Variants in LRRC37A2 observed in about 807,000 individuals in gnomAD.
LRRC37A2 encodes leucine-rich repeat-containing protein 37A2.
LRRC37A2 carries 9 observed loss-of-function variants against 68.8 expected under a neutral mutation model. The ratio of observed to expected loss-of-function variants is 0.13; its 90% confidence interval spans 0.08 to 0.23. The LOEUF is 0.23. LRRC37A2 is among the 10% of genes least tolerant of loss of function. The pLI is 1.00. For synonymous variants in LRRC37A2, 63 were observed against 367.6 expected (o/e 0.17, Z 9.48); for missense variants, 168 against 950.4 (o/e 0.18, Z 10.82).
the LRRC37A2 span, among the ~76,000 whole-genome samples, chr17:46,874,371 C>T: frequency 6.6e-6 from 1 of 152,116 alleles, no homozygotes; most frequent in African/African-American, 2.4e-5. Context: ...GAAATGGGCC[C>T]ATCCAAATGG....
the LRRC37A2 span, among the ~76,000 whole-genome samples, chr17:46,747,892 A>G: frequency 6.6e-6 from 1 of 152,210 alleles, no homozygotes; most frequent in Non-Finnish European, 1.5e-5. Context: ...TTTCCAGTTT[A>G]GAAAGAAGGA....
At chr17:46,722,406 T>G in the LRRC37A2 span, among the ~76,000 whole-genome samples, 2 of 152,352 alleles carry the variant, frequency 1.3e-5, no homozygotes, top group African/African-American at 4.8e-5. Flanking sequence ...GTTTGGCACT[T>G]CAGTTGTACT....
chr17:46,757,425 C>T, the LRRC37A2 span: 2 of 152,534 alleles, frequency 1.3e-5, no homozygotes, highest in African/African-American at 2.4e-5. Flanking sequence ...TTGTTTAATG[C>T]AAATGAAGGA....
chr17:47,002,978 G>T, the LRRC37A2 span, among the ~76,000 whole-genome samples: 1 of 152,142 alleles, frequency 6.6e-6, no homozygotes, highest in African/African-American at 2.4e-5. Flanking sequence ...GAAGCTGGGT[G>T]TGATGGTTCA....
chr17:46,805,445 C>T, the LRRC37A2 span, among the ~76,000 whole-genome samples: 2 of 151,924 alleles, frequency 1.3e-5, no homozygotes, highest in East Asian at 1.9e-4. Context: ...TGGTGGCGGG[C>T]GCCTATAATC....
chr17:46,913,799 G>T, the LRRC37A2 span, among the ~76,000 whole-genome samples: 1 of 152,040 alleles, frequency 6.6e-6, no homozygotes, highest in African/African-American at 2.4e-5. Flanking sequence ...TCACTCTGTC[G>T]CCCATGCTGG....
At chr17:46,712,842 T>C in the LRRC37A2 span, among the ~76,000 whole-genome samples, 9 of 152,086 alleles carry the variant, frequency 5.9e-5, no homozygotes, top group African/African-American at 1.9e-4. Context: ...AGAGAATGTG[T>C]GTTACAGAAG....
the LRRC37A2 span, chr17:46,764,139 G>A: frequency 1.3e-5 from 2 of 152,252 alleles, no homozygotes; most frequent in Non-Finnish European, 2.9e-5. Context: ...AGTGGACCAA[G>A]AAAAGGAGAC....
the LRRC37A2 span, chr17:47,017,141 A>G: frequency 6.2e-7 from 1 of 1,604,244 alleles, no homozygotes; most frequent in Non-Finnish European, 8.5e-7. Context: ...TGTCATAAAG[A>G]CAGGGCGGGA....
chr17:46,713,711 G>A, the LRRC37A2 span: 1 of 699,780 alleles, frequency 1.4e-6, no homozygotes. Context: ...GAGAAAACAT[G>A]TCTGCTGTGA....
the LRRC37A2 span, chr17:46,931,379 C>A: frequency 1.4e-5 from 9 of 631,542 alleles, no homozygotes; most frequent in African/African-American, 9.2e-5. Context: ...TGATGCCGCT[C>A]AAAATAAATA....
the LRRC37A2 span, among the ~76,000 whole-genome samples, chr17:46,790,769 G>A: frequency 6.6e-6 from 1 of 152,214 alleles, no homozygotes; most frequent in Non-Finnish European, 1.5e-5. Context: ...TGAAGAAGAA[G>A]CATTTGGGCA....
chr17:46,939,094 T>C, the LRRC37A2 span: 42 of 1,211,996 alleles, frequency 3.5e-5, no homozygotes, highest in Admixed American at 7.0e-5. Flanking sequence ...GTGTCCACAG[T>C]GAGCCCTGTG....
At chr17:46,583,975 T>TTATA in the LRRC37A2 span, among the ~76,000 whole-genome samples, 83 of 10,314 alleles carry the variant, frequency 8.0e-3, 1 homozygote, top group South Asian at 0.04. Flanking sequence ...CGTATATGTT[T>TTATA]TATATATATA....
the LRRC37A2 span, among the ~76,000 whole-genome samples, chr17:46,815,291 G>A: frequency 2.0e-5 from 3 of 152,282 alleles, no homozygotes; most frequent in East Asian, 5.8e-4. Flanking sequence ...GTCACTACCT[G>A]GAGAACATCT....
chr17:46,418,209 G>GTGTT, the LRRC37A2 span, among the ~76,000 whole-genome samples: 13 of 46,510 alleles, frequency 2.8e-4, no homozygotes, highest in Non-Finnish European at 9.0e-4. Flanking sequence ...GTGTGTGTGT[G>GTGTT]TGTGTTTGTG....
chr17:46,923,287 G>A, the LRRC37A2 span: 2 of 1,549,424 alleles, frequency 1.3e-6, no homozygotes, highest in Non-Finnish European at 1.7e-6. Flanking sequence ...TGGCTTCTGG[G>A]GCTGAGGCCT....
chr17:46,742,349 C>G, the LRRC37A2 span, among the ~76,000 whole-genome samples: 1 of 152,280 alleles, frequency 6.6e-6, no homozygotes, highest in South Asian at 2.1e-4. Context: ...AAGGAGTGAT[C>G]TGCTACCCTT....
At chr17:46,825,275 T>G in the LRRC37A2 span, among the ~76,000 whole-genome samples, 1 of 152,122 alleles carries the variant, frequency 6.6e-6, no homozygotes, top group Non-Finnish European at 1.5e-5. Flanking sequence ...CTCCCCTGTG[T>G]ATGGGACATA....
Sources: gnomAD v4.1 joint callset for allele counts (sites outside exome capture counted in the v4.1 genomes callset) on GRCh38, gnomAD v4.1.1 for gene constraint, MANE v1.5 for transcripts, NCBI Gene and HGNC (gene_info 2026-07-23, HGNC 2026-07-21) for gene names.